MYO3B: variants seen among roughly 807,000 people sequenced by gnomAD.
MYO3B encodes myosin IIIB, also known as myosin-IIIb.
A neutral mutation model predicts 174.6 loss-of-function variants in MYO3B; 156 were observed. The observed-to-expected ratio is 0.89, with a 90% confidence interval of 0.78 to 1.02. MYO3B has a LOEUF of 1.02. MYO3B is among the 50% of genes least tolerant of loss of function. MYO3B has a pLI of 0.00. For synonymous variants in MYO3B, 563 were observed against 569.1 expected, an observed-to-expected ratio of 0.99 and a Z score of 0.15; for missense variants, 1,632 against 1,639.4, an observed-to-expected ratio of 1.00 and a Z score of 0.08.
rs534371688 is a variant in MYO3B, at chr2:170,561,934, A to G, written c.3733+17946A>G. 1.3e-4 allele frequency among the ~76,000 whole-genome samples: 20 copies of G among 152,046 alleles called. No homozygotes were observed. The East Asian group carries it at 3.3e-3, about 25-fold the overall frequency. On this transcript the variant is annotated intron_variant, in intron 32 of 34. Transcript: ENST00000408978. ...TCTTTTTCTTCTTCATTAAACAACA[A>G]CAACAAAAAGTTGATTCCTTTAAAA...
At chr2:170,647,223 G>T (rs1196978701) in intron 32 of MYO3B, among the ~76,000 whole-genome samples, 1 of 152,114 alleles carries the variant, frequency 6.6e-6, no homozygotes, top group Non-Finnish European at 1.5e-5. Flanking sequence ...AACAATTTGA[G>T]TCCAACAGCA....
chr2:170,453,409 TACACACAC>T (rs35558091), intron 23 of MYO3B, among the ~76,000 whole-genome samples: 2,116 of 131,262 alleles, frequency 0.016, 29 homozygotes, highest in African/African-American at 0.032. Context: ...GTTTACCATT[TACACACAC>T]ACACACACAC....
intron 9 of MYO3B, among the ~76,000 whole-genome samples, chr2:170,378,777 G>A (rs2094313134): frequency 6.6e-6 from 1 of 152,164 alleles, no homozygotes; most frequent in Non-Finnish European, 1.5e-5. Flanking sequence ...TCCATTTTTA[G>A]TTGGCTATAA....
In MYO3B at chr2:170,399,483, A is replaced by T. The variant is rs1162207549; in HGVS notation, c.1792-705A>T. ...AGCAAGACTCTATCTCAAAAAAAAA[A>T]AAAAAGGTTAATTATATATATTTCT... On this transcript the variant is annotated intron_variant, in intron 16 of 34. Coordinates refer to ENST00000408978, the MANE Select transcript of MYO3B (RefSeq NM_138995.5). 2.0e-5 allele frequency among the ~76,000 whole-genome samples: 3 copies of T among 151,292 alleles called. No individual in the cohort carries two copies. The South Asian group carries it at 6.2e-4, about 31-fold the overall frequency.
intron 30 of MYO3B, among the ~76,000 whole-genome samples, chr2:170,532,768 A>G (rs1454806983): frequency 6.9e-6 from 1 of 145,084 alleles, no homozygotes; most frequent in Non-Finnish European, 1.5e-5. Flanking sequence ...GTGAGCCAAG[A>G]TTGAGCCATT....
intron 7 of MYO3B, among the ~76,000 whole-genome samples, chr2:170,281,425 A>T (rs780698481): frequency 2.0e-5 from 3 of 152,204 alleles, no homozygotes; most frequent in Non-Finnish European, 4.4e-5. Flanking sequence ...ACACTCTTGG[A>T]CCACAGTGCA....
At chr2:170,516,612 C>T (rs1298761256) in intron 29 of MYO3B, among the ~76,000 whole-genome samples, 6 of 146,590 alleles carry the variant, frequency 4.1e-5, no homozygotes, top group Admixed American at 6.9e-5. Context: ...CACTGAACTA[C>T]AGCCTGGGCA....
At chr2:170,234,648 G>A (rs1382547472) in intron 6 of MYO3B, among the ~76,000 whole-genome samples, 1 of 152,154 alleles carries the variant, frequency 6.6e-6, no homozygotes, top group African/African-American at 2.4e-5. Context: ...GGCATCTGAG[G>A]CTTAATATAT....
At chr2:170,431,436 T>C (rs2094708173) in intron 22 of MYO3B, among the ~76,000 whole-genome samples, 1 of 152,240 alleles carries the variant, frequency 6.6e-6, no homozygotes, top group Non-Finnish European at 1.5e-5. Flanking sequence ...TTTATGAGTT[T>C]TAAAGCTTAA....
intron 30 of MYO3B, among the ~76,000 whole-genome samples, chr2:170,540,386 G>A (rs1575137173): frequency 6.6e-6 from 1 of 151,932 alleles, no homozygotes; most frequent in African/African-American, 2.4e-5. Context: ...CCTGGTGCCT[G>A]GTGGTATGTA....
chr2:170,236,594 T>C (rs1319830045), intron 7 of MYO3B, among the ~76,000 whole-genome samples: 1 of 152,212 alleles, frequency 6.6e-6, no homozygotes, highest in Non-Finnish European at 1.5e-5. Flanking sequence ...TTACTCTCCA[T>C]CCCTTAATTT....
chr2:170,630,207 G>T (rs1346477007), intron 32 of MYO3B, among the ~76,000 whole-genome samples: 1 of 152,194 alleles, frequency 6.6e-6, no homozygotes, highest in Non-Finnish European at 1.5e-5. Context: ...CCACCTAAAC[G>T]TGGCACTTTT....
At chr2:170,360,765 G>A (rs764032047) in intron 8 of MYO3B, among the ~76,000 whole-genome samples, 2 of 152,180 alleles carry the variant, frequency 1.3e-5, no homozygotes, top group East Asian at 1.9e-4. Flanking sequence ...TGAAGGAGAG[G>A]CAGTTAGTCT....
chr2:170,562,613 TAA>T (rs1311601317), intron 32 of MYO3B, among the ~76,000 whole-genome samples: 5 of 152,246 alleles, frequency 3.3e-5, no homozygotes, highest in African/African-American at 1.2e-4. Flanking sequence ...ATGAATTTCC[TAA>T]AGTCACATGA....
intron 21 of MYO3B, among the ~76,000 whole-genome samples, chr2:170,407,514 C>A (rs2094517673): frequency 6.6e-6 from 1 of 151,830 alleles, no homozygotes; most frequent in Admixed American, 6.6e-5. Context: ...AAACAAAAAC[C>A]AAAGCAACTA....
chr2:170,515,971 A>G (rs1688277583), intron 29 of MYO3B, among the ~76,000 whole-genome samples: 1 of 152,106 alleles, frequency 6.6e-6, no homozygotes, highest in Admixed American at 6.5e-5. Context: ...ACAATGAGAA[A>G]GTTTTCATTT....
chr2:170,220,001 G>A (rs2092875491), intron 6 of MYO3B, among the ~76,000 whole-genome samples: 1 of 152,220 alleles, frequency 6.6e-6, no homozygotes, highest in South Asian at 2.1e-4. Flanking sequence ...GCTCATACCT[G>A]TAATCCCAGC....
intron 7 of MYO3B, among the ~76,000 whole-genome samples, chr2:170,280,654 A>G (rs1219901813): frequency 6.8e-6 from 1 of 147,612 alleles, no homozygotes; most frequent in Non-Finnish European, 1.5e-5. Context: ...AATTTTGTAT[A>G]TGGTGTAAGG....
In MYO3B at chr2:170,542,958, G is replaced by C. The variant is rs1356342998; in HGVS notation, c.3628G>C (p.Ala1210Pro). The change falls in exon 31 of 35, where the codon GCA (alanine) becomes CCA (proline). Residue 1210 changes from alanine (A) to proline (P), a missense_variant. Coordinates refer to ENST00000408978, the MANE Select transcript of MYO3B (RefSeq NM_138995.5). ...AGGGTGCGATATCTTCGCAGGACAT[G>C]CAAACAAGGTAGCTGGATATCTTGA... ...PKGCDIFAGH[A>P]NKHSVSGTDL... 1 of 1,609,072 alleles carries C rather than the reference G, an allele frequency of 6.2e-7. No individual in the cohort carries two copies. Among genetic ancestry groups the C allele is most frequent in the Non-Finnish European group, 8.5e-7 (1 of 1,177,208 alleles).
Sources: allele counts gnomAD v4.1 joint callset (sites outside exome capture counted in the v4.1 genomes callset), GRCh38; gene constraint gnomAD v4.1.1; transcripts MANE v1.5; gene names NCBI Gene and HGNC (gene_info 2026-07-23, HGNC 2026-07-21).